The following RASAL2 variants were observed in gnomAD, a reference collection of about 807,000 sequenced individuals.
RASAL2 encodes the protein RAS protein activator like 2, also known as ras GTPase-activating protein nGAP.
RASAL2 carries 58 observed loss-of-function variants against 128.9 expected under a neutral mutation model. The observed-to-expected ratio is 0.45, with a 90% CI of 0.36 to 0.56. RASAL2 has a LOEUF of 0.56. RASAL2 is among the 20% of genes least tolerant of loss of function. The pLI is 0.00. For synonymous variants in RASAL2, 561 were observed against 580.8 expected (o/e 0.97, Z 0.49); for missense variants, 1,360 against 1,601.6 (o/e 0.85, Z 2.57).
intron 1 of RASAL2, among the ~76,000 whole-genome samples, chr1:178,253,663 T>G (rs1277033255): frequency 6.6e-6 from 1 of 152,036 alleles, no homozygotes; most frequent in Non-Finnish European, 1.5e-5. Context: ...AAGGGGTTGT[T>G]CTCTGGCGGG....
chr1:178,396,309 G>A (rs1673223909), intron 4 of RASAL2, among the ~76,000 whole-genome samples: 1 of 152,108 alleles, frequency 6.6e-6, no homozygotes, highest in African/African-American at 2.4e-5. Context: ...TCTTATAGAT[G>A]ATGTACCATA....
At chr1:178,288,218 T>C (rs1202359899) in intron 2 of RASAL2, among the ~76,000 whole-genome samples, 1 of 152,250 alleles carries the variant, frequency 6.6e-6, no homozygotes, top group African/African-American at 2.4e-5. Context: ...AGTCACAATT[T>C]GCAGATAGCA....
At chr1:178,337,641 G>A (rs967235320) in intron 3 of RASAL2, among the ~76,000 whole-genome samples, 17 of 152,094 alleles carry the variant, frequency 1.1e-4, no homozygotes, top group Non-Finnish European at 2.2e-4. Flanking sequence ...GCTTTGAGAT[G>A]TGTTTTCTGC....
chr1:178,349,383 C>T (rs1291486072), intron 3 of RASAL2, among the ~76,000 whole-genome samples: 1 of 151,890 alleles, frequency 6.6e-6, no homozygotes, highest in African/African-American at 2.4e-5. Flanking sequence ...GAGATTGTGC[C>T]ACTGCACTCC....
intron 1 of RASAL2, among the ~76,000 whole-genome samples, chr1:178,220,382 A>G (rs1663573811): frequency 6.6e-6 from 1 of 152,194 alleles, no homozygotes; most frequent in Admixed American, 6.5e-5. Flanking sequence ...TTTATTGGTT[A>G]TGTTTGCTAT....
At chr1:178,146,497 C>T (rs984192104) in intron 1 of RASAL2, among the ~76,000 whole-genome samples, 2 of 152,174 alleles carry the variant, frequency 1.3e-5, no homozygotes, top group East Asian at 1.9e-4. Flanking sequence ...ATACTGGTTG[C>T]GGCCATTTTT....
rs1275143692 is a variant in RASAL2, at chr1:178,154,472, G to A, written c.202+59778G>A. Among the ~76,000 whole-genome samples the A allele has an allele frequency of 3.3e-5, 5 of 152,098 alleles. 1 individual carries two copies. The highest frequency in any genetic ancestry group is 2.1e-4 in the South Asian group (1 of 4,826). ...CCTATGATTAATTTTTTAAGGATCT[G>A]CCAGACTGTTTTCCAAAGTGGTCAC... On this transcript the variant is annotated intron_variant, in intron 1 of 17. Coordinates refer to ENST00000367649, the MANE Select transcript of RASAL2 (RefSeq NM_170692.4).
intron 3 of RASAL2, among the ~76,000 whole-genome samples, chr1:178,306,773 A>C (rs1571825102): frequency 6.8e-6 from 1 of 147,250 alleles, no homozygotes; most frequent in African/African-American, 2.5e-5. Flanking sequence ...AATTTGTTTG[A>C]GTTCATTGTA....
chr1:178,107,736 C>G (rs1659150856), intron 1 of RASAL2, among the ~76,000 whole-genome samples: 1 of 152,144 alleles, frequency 6.6e-6, no homozygotes, highest in Non-Finnish European at 1.5e-5. Context: ...CTGTGTCTGA[C>G]TTATTCACTA....
intron 1 of RASAL2, among the ~76,000 whole-genome samples, chr1:178,244,881 C>G (rs1011412807): frequency 3.9e-5 from 6 of 152,182 alleles, no homozygotes; most frequent in Non-Finnish European, 7.3e-5. Flanking sequence ...CCAACTTCAT[C>G]CGTGTCCCTC....
intron 3 of RASAL2, among the ~76,000 whole-genome samples, chr1:178,318,038 A>G (rs1241888395): frequency 3.9e-4 from 59 of 150,944 alleles, no homozygotes; most frequent in African/African-American, 1.3e-3. Context: ...TTCTGCCTTC[A>G]TTTCGTTATG....
intron 5 of RASAL2, 57 bp downstream of exon 5, chr1:178,420,677 G>A: frequency 7.7e-7 from 1 of 1,305,772 alleles, no homozygotes; most frequent in South Asian, 1.4e-5. Flanking sequence ...ATTTTGTTAA[G>A]GCATTTTGGT....
At chr1:178,351,221 G>C (rs1435519134) in intron 3 of RASAL2, among the ~76,000 whole-genome samples, 1 of 152,124 alleles carries the variant, frequency 6.6e-6, no homozygotes, top group Non-Finnish European at 1.5e-5. Flanking sequence ...CATGAGATTT[G>C]GGCAGGGATA....
At position 178,445,583 on chromosome 1, in the gene RASAL2, C is replaced by T; in HGVS notation, c.1548C>T (p.Phe516=). ...GTGGAGAGCATGATGTCTTGATCTTCAGAGAGAACACTATTGCCACCAAAT... is the reference window on the plus strand; with the variant it reads ...GTGGAGAGCATGATGTCTTGATCTTTAGAGAGAACACTATTGCCACCAAAT... ...DRCGEHDVLI[F]RENTIATKSI... Residue 516 remains phenylalanine, a synonymous_variant, in exon 9 of 18, where the codon TTC becomes TTT. Transcript: ENST00000367649. 1 of 1,613,848 alleles carries T rather than the reference C, an allele frequency of 6.2e-7. No homozygotes were observed. The highest frequency in any genetic ancestry group is 1.7e-4 in the Middle Eastern group (1 of 6,058).
chr1:178,333,121 C>T (rs1244309898), intron 3 of RASAL2, among the ~76,000 whole-genome samples: 2 of 152,006 alleles, frequency 1.3e-5, no homozygotes, highest in Non-Finnish European at 2.9e-5. Context: ...CTCCGCCTCC[C>T]GGGTTCACGC....
intron 17 of RASAL2, 128 bp downstream of exon 17, chr1:178,467,549 T>G (rs1647852203): frequency 1.8e-5 from 13 of 706,722 alleles, no homozygotes; most frequent in Non-Finnish European, 2.9e-5. Flanking sequence ...GACGCTACAT[T>G]TTGAAGATTA....
intron 12 of RASAL2, among the ~76,000 whole-genome samples, chr1:178,455,019 T>C (rs1369104107): frequency 6.6e-6 from 1 of 152,092 alleles, no homozygotes; most frequent in African/African-American, 2.4e-5. Context: ...AAAGTATAGA[T>C]TTAGCTAAGA....
intron 3 of RASAL2, among the ~76,000 whole-genome samples, chr1:178,351,198 G>A (rs189581801): frequency 7.0e-4 from 107 of 152,256 alleles, no homozygotes; most frequent in Admixed American, 3.3e-3. Flanking sequence ...CCGCATTAGG[G>A]ATTATAATTT....
At chr1:178,425,352 C>CT (rs980019622) in intron 5 of RASAL2, among the ~76,000 whole-genome samples, 66 of 151,818 alleles carry the variant, frequency 4.3e-4, no homozygotes, top group Admixed American at 8.5e-4. Context: ...AACAGTTCTG[C>CT]TTTTTTTTGT....
Sources: gnomAD v4.1 joint callset for allele counts (sites outside exome capture counted in the v4.1 genomes callset) on GRCh38, gnomAD v4.1.1 for gene constraint, MANE v1.5 for transcripts, NCBI Gene and HGNC (gene_info 2026-07-23, HGNC 2026-07-21) for gene names.